The following ADRA1A variants were observed in gnomAD, a reference collection of about 807,000 sequenced individuals.
ADRA1A encodes adrenoceptor alpha 1A.
Under a neutral mutation model 29.6 loss-of-function variants are expected in ADRA1A, and 31 were observed. The observed-to-expected ratio is 1.05, with a 90% CI of 0.79 to 1.41. The LOEUF is 1.41. Among genes scored for constraint, ADRA1A ranks in the 40% most tolerant of loss-of-function variants. The pLI, the probability that ADRA1A is intolerant of heterozygous loss-of-function variation, is 0.00. For missense variants in ADRA1A, 619 were observed against 601.1 expected, an observed-to-expected ratio of 1.03 and a Z score of -0.31; for synonymous variants, 311 against 254.3, an observed-to-expected ratio of 1.22 and a Z score of -2.12.
At position 26,821,373 on chromosome 8, in the gene ADRA1A, C is replaced by G. The variant is rs1384566968; in HGVS notation, c.883+42714G>C. Reference sequence around the variant, plus strand: ...GGCTAAGGGAGAGCAGGAAATATCACATGGTGAGAGTGGGAGCAAGACAGA... The same window carrying G: ...GGCTAAGGGAGAGCAGGAAATATCAGATGGTGAGAGTGGGAGCAAGACAGA... On this transcript the variant is annotated intron_variant, in intron 2 of 2. Coordinates refer to ENST00000380573, the MANE Select transcript of ADRA1A (RefSeq NM_000680.4). This position sits in a 1 kb window ranked among gnomAD's most constrained non-coding sequence, Gnocchi z 5.6. Among the ~76,000 whole-genome samples the G allele has an allele frequency of 6.6e-6, 1 of 152,144 alleles. No homozygotes were observed. Among genetic ancestry groups the G allele is most frequent in the African/African-American group, 2.4e-5 (1 of 41,438 alleles).
intron 2 of ADRA1A, chr8:26,771,768 C>A: frequency 6.5e-6 from 1 of 153,244 alleles, no homozygotes. Context: ...CCGGGCAGCC[C>A]AGCCTTGCAC....
At chr8:26,752,318 G>A (rs1279493188), downstream of ADRA1A, among the ~76,000 whole-genome samples, 2 of 152,198 alleles carry the variant, frequency 1.3e-5, no homozygotes, top group Admixed American at 6.5e-5. Flanking sequence ...GACCAGGTGT[G>A]CTATTTACAT....
At chr8:26,802,522 G>C (rs1808657813) in intron 2 of ADRA1A, among the ~76,000 whole-genome samples, 1 of 152,120 alleles carries the variant, frequency 6.6e-6, no homozygotes. Context: ...AAACTACAAT[G>C]AGTTATCTCA....
chr8:26,801,062 T>G (rs751473241), intron 2 of ADRA1A, among the ~76,000 whole-genome samples: 1 of 152,182 alleles, frequency 6.6e-6, no homozygotes, highest in Non-Finnish European at 1.5e-5. Context: ...AAAAAGCATT[T>G]GATAAAATTC....
intron 2 of ADRA1A, among the ~76,000 whole-genome samples, chr8:26,846,175 A>G (rs937386323): frequency 1.7e-4 from 26 of 152,292 alleles, no homozygotes; most frequent in African/African-American, 6.3e-4. Context: ...TGTTTGGTTC[A>G]TGTGTTTTGT....
intron 2 of ADRA1A, among the ~76,000 whole-genome samples, chr8:26,812,856 T>A (rs925422290): frequency 6.8e-6 from 1 of 146,346 alleles, no homozygotes; most frequent in Non-Finnish European, 1.5e-5. Context: ...TAGTAGAGAC[T>A]GGAGTTTCAC....
chr8:26,828,934 A>G (rs1810783790), intron 2 of ADRA1A, among the ~76,000 whole-genome samples: 1 of 152,130 alleles, frequency 6.6e-6, no homozygotes, highest in Admixed American at 6.5e-5. Flanking sequence ...GCTTAATCTT[A>G]GGATTCTTTT....
At chr8:26,828,333 C>T (rs1041329146) in intron 2 of ADRA1A, among the ~76,000 whole-genome samples, 4 of 152,138 alleles carry the variant, frequency 2.6e-5, no homozygotes, top group African/African-American at 9.7e-5. Context: ...ACAAATACCT[C>T]CTACTCATCC....
intron 2 of ADRA1A, among the ~76,000 whole-genome samples, chr8:26,758,308 A>G (rs1805311399): frequency 6.6e-6 from 1 of 152,218 alleles, no homozygotes; most frequent in Non-Finnish European, 1.5e-5. Flanking sequence ...ACCTGAAGTG[A>G]GATAAAGAGC....
chr8:26,824,368 C>T (rs1391586576), intron 2 of ADRA1A, among the ~76,000 whole-genome samples: 1 of 152,076 alleles, frequency 6.6e-6, no homozygotes, highest in Non-Finnish European at 1.5e-5. Flanking sequence ...AGCCCTGTTG[C>T]ATGCCCGCCG....
intron 2 of ADRA1A, among the ~76,000 whole-genome samples, chr8:26,774,782 A>G (rs754904847): frequency 6.6e-6 from 1 of 152,064 alleles, no homozygotes; most frequent in Non-Finnish European, 1.5e-5. Flanking sequence ...TGGGGCTGGA[A>G]TTGGGCTTGG....
In ADRA1A at chr8:26,815,397, A is replaced by G. The variant is rs985911226; in HGVS notation, c.884-44731T>C. ...GGAGCAAAAAATTATCCAAAGCACT[A>G]AAACAAGAGGTAGCAAAAACCTAAG... is the stretch of plus-strand genomic sequence containing the variant. On this transcript the variant is annotated intron_variant, in intron 2 of 2. Coordinates refer to ENST00000380573, the MANE Select transcript of ADRA1A (RefSeq NM_000680.4). This position sits in a 1 kb window ranked among gnomAD's most constrained non-coding sequence, Gnocchi z 4.2. Among the ~76,000 whole-genome samples the G allele has an allele frequency of 9.2e-5, 14 of 152,362 alleles. No homozygotes were observed. The highest frequency in any genetic ancestry group is 3.4e-4 in the African/African-American group (14 of 41,590).
In ADRA1A at chr8:26,788,742, T is replaced by A. The variant is rs377405196; in HGVS notation, c.884-18076A>T. Among the ~76,000 whole-genome samples, 12 of 152,192 alleles carry A rather than the reference T, an allele frequency of 7.9e-5. No homozygotes were observed. In the South Asian group the frequency reaches 8.3e-4, roughly 11 times the overall value. ...AAGAGTGAAGCTGGGTTCAAACCCA[T>A]GCTTGCCTGGCTCCAGACCCTGTCC... is the stretch of plus-strand genomic sequence containing the variant. On this transcript the variant is annotated intron_variant, in intron 2 of 2. Coordinates refer to ENST00000380573, the MANE Select transcript of ADRA1A (RefSeq NM_000680.4).
chr8:26,786,201 C>T (rs1290688420), intron 2 of ADRA1A, among the ~76,000 whole-genome samples: 2 of 151,842 alleles, frequency 1.3e-5, no homozygotes, highest in East Asian at 2.0e-4. Flanking sequence ...CTATCCCCTG[C>T]TCTGGCCACC....
In ADRA1A at chr8:26,864,364, G is replaced by A; in HGVS notation, c.606C>T (p.Val202=). ...CCACCACGTAGACGCGGCAGTACAT[G>A]ACCAGGATGATGGCCAGAGGCAGGT... ...SFYLPLAIIL[V]MYCRVYVVAK... Residue 202 remains valine (V), a synonymous_variant, in exon 2 of 3, where the codon GTC becomes GTT. Transcript: ENST00000380573. This position sits in a 1 kb window ranked among gnomAD's most constrained non-coding sequence, Gnocchi z 8.1. 1 of 1,613,992 alleles carries A rather than the reference G, an allele frequency of 6.2e-7. No individual in the cohort carries two copies. The highest frequency in any genetic ancestry group is 8.5e-7 in the Non-Finnish European group (1 of 1,180,018).
At chr8:26,759,392 A>G (rs758698757) in intron 2 of ADRA1A, among the ~76,000 whole-genome samples, 23 of 152,198 alleles carry the variant, frequency 1.5e-4, no homozygotes, top group African/African-American at 5.5e-4. Context: ...TAAAGTATGT[A>G]GAAAACTAGC....
At chr8:26,822,558 C>G (rs746699330) in intron 2 of ADRA1A, among the ~76,000 whole-genome samples, 1 of 152,130 alleles carries the variant, frequency 6.6e-6, no homozygotes, top group Non-Finnish European at 1.5e-5. Context: ...AAGGTTGATG[C>G]AGAATGAAGA....
chr8:26,767,448 T>C (rs1440709561), downstream of ADRA1A, among the ~76,000 whole-genome samples: 9 of 152,332 alleles, frequency 5.9e-5, no homozygotes, highest in African/African-American at 1.9e-4. Flanking sequence ...TTGGGTGACG[T>C]TATCAATTTC....
chr8:26,781,501 A>G (rs1232429348), intron 2 of ADRA1A, among the ~76,000 whole-genome samples: 4 of 152,226 alleles, frequency 2.6e-5, no homozygotes, highest in African/African-American at 7.2e-5. Context: ...AGCTGGAGAT[A>G]GATTCTCAAA....
Sources: allele counts gnomAD v4.1 joint callset (sites outside exome capture counted in the v4.1 genomes callset), GRCh38; gene constraint gnomAD v4.1.1; non-coding constraint Gnocchi (gnomAD v3.1); transcripts MANE v1.5; gene names NCBI Gene and HGNC (gene_info 2026-07-23, HGNC 2026-07-21).